Variants in UNC13C observed in about 807,000 individuals in gnomAD.
UNC13C encodes the protein unc-13 homolog C.
Under a neutral mutation model 245.4 loss-of-function variants are expected in UNC13C, and 174 were observed. That is an observed-to-expected ratio of 0.71 (90% CI 0.63 to 0.80). The LOEUF is 0.80. Ranked by LOEUF, UNC13C falls within the 30% of genes least tolerant of loss-of-function variation. The pLI is 0.00. For synonymous variants in UNC13C, 992 were observed against 895.1 expected (o/e 1.11, Z -1.93); for missense variants, 2,829 against 2,602.9 (o/e 1.09, Z -1.89).
chr15:54,059,128 G>A (rs1246251179), intron 2 of UNC13C, among the ~76,000 whole-genome samples: 2 of 152,124 alleles, frequency 1.3e-5, no homozygotes. Context: ...TCAGGCAGGA[G>A]AAAGAAATAA....
chr15:53,970,959 T>C, the UNC13C span, among the ~76,000 whole-genome samples: 1 of 152,206 alleles, frequency 6.6e-6, no homozygotes, highest in East Asian at 1.9e-4. Flanking sequence ...AGCTACACCA[T>C]TTTTCATTTC....
chr15:54,560,454 T>A (rs1596572279), intron 29 of UNC13C, among the ~76,000 whole-genome samples: 1 of 151,868 alleles, frequency 6.6e-6, no homozygotes, highest in African/African-American at 2.4e-5. Context: ...TTTTTTTGCC[T>A]CTCAAATCAC....
chr15:54,331,576 A>G (rs1440276351), intron 14 of UNC13C, among the ~76,000 whole-genome samples: 1 of 152,108 alleles, frequency 6.6e-6, no homozygotes, highest in Non-Finnish European at 1.5e-5. Flanking sequence ...TGACAAAAAC[A>G]ACACCTGCTC....
At chr15:53,954,259 C>G in the UNC13C span, among the ~76,000 whole-genome samples, 10 of 152,292 alleles carry the variant, frequency 6.6e-5, no homozygotes, top group African/African-American at 2.4e-4. Flanking sequence ...TATAGTGACA[C>G]AATGTTTTCT....
Position 54,015,013 on chromosome 15 carries a change from G to T in UNC13C, c.2110G>T (p.Asp704Tyr). ...DLEYLGKCHS[D>Y]LQDDSESYDL... The stretch of plus-strand genomic sequence containing the variant: ...AGAATACTTGGGAAAGTGCCACAGT[G>T]ATCTTCAAGATGACTCAGAGAGCTA... Residue 704 changes from aspartate (D) to tyrosine (Y), a missense_variant, in exon 2 of 33, where the codon GAT (aspartate) becomes TAT (tyrosine). Asp to Tyr is a radical substitution (Grantham distance 160). Transcript: ENST00000260323. 3 of 1,613,468 alleles carry T rather than the reference G, an allele frequency of 1.9e-6. No homozygotes were observed. The highest frequency in any genetic ancestry group is 2.5e-6 in the Non-Finnish European group (3 of 1,179,722).
intron 24 of UNC13C, among the ~76,000 whole-genome samples, chr15:54,515,817 C>A (rs1233614374): frequency 2.6e-5 from 4 of 152,088 alleles, no homozygotes; most frequent in Non-Finnish European, 5.9e-5. Flanking sequence ...ACAGGCAGCT[C>A]CATTAGGTAT....
intron 15 of UNC13C, among the ~76,000 whole-genome samples, chr15:54,333,142 A>C (rs1246597492): frequency 6.6e-6 from 1 of 152,078 alleles, no homozygotes; most frequent in African/African-American, 2.4e-5. Flanking sequence ...TAACATGTGA[A>C]ATTGACCAAA....
intron 4 of UNC13C, among the ~76,000 whole-genome samples, chr15:54,173,316 G>A (rs2033485113): frequency 6.6e-6 from 1 of 151,980 alleles, no homozygotes; most frequent in South Asian, 2.1e-4. Context: ...GGGTTACATT[G>A]TCACCTTAAA....
intron 19 of UNC13C, among the ~76,000 whole-genome samples, chr15:54,459,765 T>A (rs1309736015): frequency 6.6e-6 from 1 of 152,162 alleles, no homozygotes; most frequent in East Asian, 1.9e-4. Context: ...TTCTTTATGA[T>A]GTCTATTTAT....
intron 17 of UNC13C, among the ~76,000 whole-genome samples, chr15:54,374,532 C>T (rs1229901470): frequency 6.6e-6 from 1 of 152,186 alleles, no homozygotes; most frequent in Non-Finnish European, 1.5e-5. Flanking sequence ...AACTTTGCTT[C>T]AAAATTGGAG....
At chr15:54,152,333 CA>C (rs2032557279) in intron 4 of UNC13C, among the ~76,000 whole-genome samples, 1 of 152,120 alleles carries the variant, frequency 6.6e-6, no homozygotes, top group African/African-American at 2.4e-5. Flanking sequence ...AACCTGAAGA[CA>C]GTATATTTGT....
intron 2 of UNC13C, chr15:54,049,416 T>C (rs1897179511): frequency 2.0e-6 from 1 of 503,602 alleles, no homozygotes; most frequent in Admixed American, 2.2e-5. Flanking sequence ...ATATAATTGG[T>C]GTATTCCAGT....
In UNC13C at chr15:54,008,958, G is replaced by A. The variant is rs145473121; in HGVS notation, c.-256-3690G>A. Among the ~76,000 whole-genome samples, 16 of 152,214 alleles carry A rather than the reference G, an allele frequency of 1.1e-4. No individual in the cohort carries two copies. The East Asian group carries it at 1.4e-3, about 13-fold the overall frequency. ...TTTAAAGAGTTTCTGGGAGGATTAC[G>A]GAGATAATTTAAGTTTCTGAAACAT... On this transcript the variant is annotated intron_variant, in intron 1 of 32. Coordinates refer to ENST00000260323, the MANE Select transcript of UNC13C (RefSeq NM_001080534.3).
At chr15:54,589,969 G>T (rs1898698242) in intron 30 of UNC13C, among the ~76,000 whole-genome samples, 1 of 152,154 alleles carries the variant, frequency 6.6e-6, no homozygotes, top group African/African-American at 2.4e-5. Context: ...TTTTGTATAA[G>T]ATGAGAGATG....
At chr15:54,136,217 A>AGCCTTGACCTCCCAGGCTCAG (rs1277830556) in intron 2 of UNC13C, among the ~76,000 whole-genome samples, 2 of 152,168 alleles carry the variant, frequency 1.3e-5, no homozygotes, top group Non-Finnish European at 2.9e-5. Context: ...TGCTAACTGC[A>AGCCTTGACCTCCCAGGCTCAG]GCCTTGACCT....
At chr15:53,894,229 C>T in the UNC13C span, among the ~76,000 whole-genome samples, 2 of 152,238 alleles carry the variant, frequency 1.3e-5, no homozygotes, top group African/African-American at 4.8e-5. Context: ...ATGCAGAAAT[C>T]ACCCACCTTC....
At chr15:54,262,685 C>G (rs1303361059) in intron 8 of UNC13C, among the ~76,000 whole-genome samples, 1 of 151,704 alleles carries the variant, frequency 6.6e-6, no homozygotes, top group African/African-American at 2.4e-5. Flanking sequence ...TTTTTGTCTT[C>G]CTTTTTTTTA....
chr15:54,376,613 G>C (rs1219565872), intron 17 of UNC13C, among the ~76,000 whole-genome samples: 1 of 152,176 alleles, frequency 6.6e-6, no homozygotes, highest in East Asian at 1.9e-4. Context: ...CTAAGAGAAA[G>C]ACTCGAAGGT....
In UNC13C at chr15:54,015,716, T is replaced by C. The variant is rs771114996; in HGVS notation, c.2813T>C (p.Leu938Ser). Residue 938 changes from leucine (L) to serine (S), a missense_variant, in exon 2 of 33, where the codon TTA (leucine) becomes TCA (serine). Leu to Ser is a moderately radical substitution (Grantham distance 145). Coordinates refer to ENST00000260323, the MANE Select transcript of UNC13C (RefSeq NM_001080534.3). ...GTTAGTGAAGAGGGGTTAGAACCCT[T>C]AAATGAAACATCAGCTGAGATGGAA... ...DMVSEEGLEP[L>S]NETSAEMEIR... 6.2e-7 allele frequency: 1 copy of C among 1,613,602 alleles called. No individual in the cohort carries two copies. The highest frequency in any genetic ancestry group is 8.5e-7 in the Non-Finnish European group (1 of 1,179,760).
Sources: gnomAD v4.1 joint callset for allele counts (sites outside exome capture counted in the v4.1 genomes callset) on GRCh38, gnomAD v4.1.1 for gene constraint, MANE v1.5 for transcripts, NCBI Gene and HGNC (gene_info 2026-07-23, HGNC 2026-07-21) for gene names.